HEATR3: variants seen among roughly 807,000 people sequenced by gnomAD.
The protein encoded by HEATR3 is HEAT repeat-containing protein 3.
A neutral mutation model predicts 72.8 loss-of-function variants in HEATR3; 56 were observed. The ratio of observed to expected loss-of-function variants is 0.77; its 90% CI spans 0.62 to 0.96. The LOEUF (loss-of-function observed/expected upper bound fraction) is 0.96. Among genes scored for constraint, HEATR3 ranks in the 40% least tolerant of loss-of-function variants. The pLI is 0.00. For synonymous variants in HEATR3, 331 were observed against 318.1 expected (o/e 1.04, Z -0.43); for missense variants, 747 against 831.4 (o/e 0.90, Z 1.25).
chr16:50,086,905 G>A (rs1010578158), intron 11 of HEATR3, among the ~76,000 whole-genome samples: 1 of 151,976 alleles, frequency 6.6e-6, no homozygotes, highest in Non-Finnish European at 1.5e-5. Context: ...CTCCAGCCTG[G>A]GCAACAAGAG....
In HEATR3 at chr16:50,072,723, A is replaced by G; in HGVS notation, c.622+9A>G. On this transcript the variant is annotated intron_variant, in intron 5 of 14. Transcript: ENST00000299192. ...CCTGGCTATTTCAGTAGGTAAGTGA[A>G]GAAAAGGTGATGACTTATTAAGAAT... The G allele has an allele frequency of 6.8e-7, 1 of 1,469,442 alleles. No individual in the cohort carries two copies. Among genetic ancestry groups the G allele is most frequent in the Non-Finnish European group, 9.5e-7 (1 of 1,047,666 alleles). 91.0% of individuals were successfully genotyped at this position (1,469,442 alleles called of 1,614,324 possible).
At chr16:50,103,943 C>G (rs72796173) in intron 14 of HEATR3, among the ~76,000 whole-genome samples, 1 of 152,062 alleles carries the variant, frequency 6.6e-6, no homozygotes, top group African/African-American at 2.4e-5. Context: ...GCAGGAGGAT[C>G]GTGTGAGTGC....
chr16:50,087,554 GAGA>G (rs1466518367), intron 11 of HEATR3, among the ~76,000 whole-genome samples: 3 of 152,124 alleles, frequency 2.0e-5, no homozygotes, highest in African/African-American at 4.8e-5. Context: ...GAGACTGAGA[GAGA>G]AGAACAAGTG....
chr16:50,080,702 C>T (rs940821459), intron 7 of HEATR3, among the ~76,000 whole-genome samples: 12 of 152,132 alleles, frequency 7.9e-5, no homozygotes, highest in African/African-American at 2.7e-4. Flanking sequence ...GCTGTCTGGT[C>T]TCAAGCGATC....
chr16:50,091,886 A>T (rs2037120636), intron 11 of HEATR3, among the ~76,000 whole-genome samples: 1 of 151,962 alleles, frequency 6.6e-6, no homozygotes, highest in Non-Finnish European at 1.5e-5. Flanking sequence ...AAAAAAAAAA[A>T]AAAAAATATC....
In HEATR3 at chr16:50,102,118, TTAAGTC is replaced by T. The variant is rs543822567; in HGVS notation, c.1744-137_1744-132del. 9.4e-4 allele frequency: 564 copies of T among 600,888 alleles called. 1 individual carries two copies. In the African/African-American group the frequency reaches 9.5e-3, roughly 10 times the overall value. The allele number at this position is 600,888 out of a possible 1,614,324, so 37.2% of individuals were successfully genotyped here. ...TTATACTTGGTATGTTTATAAGTAT[TTAAGTC>T]TAATCTCTTGAAGTTTTAATTTTTC... On this transcript the variant is annotated intron_variant, in intron 13 of 14. Coordinates refer to ENST00000299192, the MANE Select transcript of HEATR3 (RefSeq NM_182922.4).
chr16:50,066,326 C>A (rs766419060), intron 1 of HEATR3, 41 bp from the exon 2 acceptor site: 2 of 1,562,652 alleles, frequency 1.3e-6, no homozygotes, highest in Admixed American at 1.8e-5. Flanking sequence ...CGCGCGCGTG[C>A]GCATTGCGCG....
chr16:50,102,944 G>A (rs992806197), intron 14 of HEATR3, among the ~76,000 whole-genome samples: 1 of 151,872 alleles, frequency 6.6e-6, no homozygotes, highest in African/African-American at 2.4e-5. Flanking sequence ...TGTATTTTTA[G>A]TAGAAACGGG....
intron 4 of HEATR3, 48 bp downstream of exon 4, chr16:50,070,338 T>C (rs753824529): frequency 1.1e-6 from 1 of 925,700 alleles, no homozygotes; most frequent in African/African-American, 1.6e-5. Flanking sequence ...GTACCCAGGC[T>C]GCTATTCTCT....
At position 50,105,031 on chromosome 16, in the gene HEATR3, A is replaced by G. The variant is rs1036238513; in HGVS notation, c.2013A>G (p.Gln671=). The G allele has an allele frequency of 8.1e-6, 13 of 1,612,976 alleles. No homozygotes were observed. Among genetic ancestry groups the G allele is most frequent in the Non-Finnish European group, 1.0e-5 (12 of 1,179,738 alleles). ...ATTTGCGAAGATTTATTGCTTATCA[A>G]GAAACTGTTGAGAAAAGACTGACTT... is the stretch of plus-strand genomic sequence containing the variant. The part of the protein sequence containing the change: ...KMNLRRFIAY[Q]ETVEKRLTS Residue 671 remains glutamine, a synonymous_variant, in exon 15 of 15, where the codon CAA becomes CAG. Coordinates refer to ENST00000299192, the MANE Select transcript of HEATR3 (RefSeq NM_182922.4).
In HEATR3 at chr16:50,078,860, A is replaced by G. The variant is rs2036799736; in HGVS notation, c.883A>G (p.Met295Val). Residue 295 changes from methionine to valine, a missense_variant, in exon 7 of 15, where the codon ATG (methionine) becomes GTG (valine). Met to Val is a conservative substitution (Grantham distance 21). Transcript: ENST00000299192. The stretch of plus-strand genomic sequence containing the variant: ...GGATGCTGGTGAAATGGTTATTCAA[A>G]TGAAAGAGGCTGAAACGCAAAGGTT... ...GMDAGEMVIQMKEAETQRLKT... is the reference protein window; with the variant it reads ...GMDAGEMVIQVKEAETQRLKT... 1.9e-6 allele frequency: 3 copies of G among 1,614,024 alleles called. No homozygotes were observed. The South Asian group carries it at 3.3e-5, about 18-fold the overall frequency.
intron 14 of HEATR3, 114 bp from the exon 15 acceptor site, chr16:50,104,825 C>A: frequency 1.1e-6 from 1 of 942,584 alleles, no homozygotes; most frequent in Non-Finnish European, 1.5e-6. Context: ...TTTCCAAATT[C>A]TTACAGCTAT....
At chr16:50,075,390 C>T (rs2036702671) in intron 5 of HEATR3, among the ~76,000 whole-genome samples, 181 bp from the exon 6 acceptor site, 1 of 151,694 alleles carries the variant, frequency 6.6e-6, no homozygotes, top group East Asian at 1.9e-4. Flanking sequence ...TTTTCCAGCA[C>T]TGATAGTTTG....
At chr16:50,103,013 TTGGCCTCCCAAAGTGC>T (rs770341855) in intron 14 of HEATR3, among the ~76,000 whole-genome samples, 3 of 152,324 alleles carry the variant, frequency 2.0e-5, no homozygotes, top group Non-Finnish European at 4.4e-5. Flanking sequence ...TCTGCCCACC[TTGGCCTCCCAAAGTGC>T]TGGGATTACA....
In HEATR3 at chr16:50,075,582, C is replaced by T. The variant is rs767680625; in HGVS notation, c.634C>T (p.Gln212Ter). ...TTTTTGCCTCGTAGCATATTGTTTGCAGACAGTGACTGAGGATAACCCAGA... is the reference window on the plus strand; with the variant it reads ...TTTTTGCCTCGTAGCATATTGTTTGTAGACAGTGACTGAGGATAACCCAGA... ...DLAISVAYCL[Q>*]TVTEDNPELL... The change falls in exon 6 of 15, where the codon CAG (glutamine) becomes TAG (stop). Residue 212 changes from glutamine (Q) to a stop codon, truncating the protein, a stop_gained. Coordinates refer to ENST00000299192, the MANE Select transcript of HEATR3 (RefSeq NM_182922.4). LOFTEE classifies it high-confidence loss of function. 2 of 1,612,256 alleles carry T rather than the reference C, an allele frequency of 1.2e-6. No individual in the cohort carries two copies. Among genetic ancestry groups the T allele is most frequent in the East Asian group, 2.2e-5 (1 of 44,856 alleles).
At chr16:50,085,113 A>G (rs1029947012) in intron 10 of HEATR3, among the ~76,000 whole-genome samples, 7 of 152,148 alleles carry the variant, frequency 4.6e-5, no homozygotes, top group Non-Finnish European at 1.0e-4. Flanking sequence ...CTATTAAAAA[A>G]AAAAAGAGGC....
At chr16:50,101,146 T>C (rs948573269) in intron 13 of HEATR3, among the ~76,000 whole-genome samples, 1 of 150,592 alleles carries the variant, frequency 6.6e-6, no homozygotes, top group African/African-American at 2.4e-5. Context: ...GGAGTCTCAG[T>C]CACCCAGGCT....
intron 6 of HEATR3, among the ~76,000 whole-genome samples, chr16:50,077,120 C>T (rs961632897): frequency 2.9e-4 from 44 of 152,086 alleles, no homozygotes; most frequent in African/African-American, 7.7e-4. Context: ...GTGATCCGCC[C>T]GCCTTGGCCT....
chr16:50,090,584 A>G (rs186154724), intron 11 of HEATR3, among the ~76,000 whole-genome samples: 205 of 152,326 alleles, frequency 1.3e-3, no homozygotes, highest in African/African-American at 4.6e-3. Context: ...TTTTAGTACA[A>G]TCTGGTCCTT....
Sources: allele counts gnomAD v4.1 joint callset (sites outside exome capture counted in the v4.1 genomes callset), GRCh38; gene constraint gnomAD v4.1.1; transcripts MANE v1.5; gene names NCBI Gene and HGNC (gene_info 2026-07-23, HGNC 2026-07-21).